The following DCBLD2 variants were observed in gnomAD, a reference collection of about 807,000 sequenced individuals.
DCBLD2 encodes discoidin, CUB and LCCL domain-containing protein 2.
A neutral mutation model predicts 86.8 loss-of-function variants in DCBLD2; 54 were observed. That is an observed-to-expected ratio of 0.62 (90% confidence interval 0.50 to 0.78). The LOEUF is 0.78. Ranked by LOEUF, DCBLD2 falls within the 30% of genes least tolerant of loss-of-function variation. The pLI, the probability that DCBLD2 is intolerant of heterozygous loss-of-function variation, is 0.00. For missense variants in DCBLD2, 908 were observed against 954.2 expected (o/e 0.95, Z 0.64); for synonymous variants, 354 against 341.3 (o/e 1.04, Z -0.41).
chr3:98,857,848 C>T (rs1942964920), intron 2 of DCBLD2, among the ~76,000 whole-genome samples: 1 of 152,234 alleles, frequency 6.6e-6, no homozygotes, highest in African/African-American at 2.4e-5. Context: ...TATTTACAAT[C>T]CCTTAGCTAG....
chr3:98,881,702 G>T lies in DCBLD2; in HGVS notation c.271C>A (p.Gln91Lys), dbSNP rs777152672. 8.1e-6 allele frequency: 13 copies of T among 1,613,926 alleles called. No homozygotes were observed. The East Asian group carries it at 2.7e-4, about 33-fold the overall frequency. ...SGTLTSINYP[Q>K]TYPNSTVCEW... ...CAAACAGTGCTGTTGGGATAGGTCT[G>T]TGGGTAGTTTATGGATGTAAGGGTT... The change falls in exon 2 of 16, where the codon CAG becomes AAG. Residue 91 changes from glutamine (Q) to lysine (K), a missense_variant. Coordinates refer to ENST00000326840, the MANE Select transcript of DCBLD2 (RefSeq NM_080927.4).
chr3:98,879,039 C>T (rs952634165), intron 2 of DCBLD2, among the ~76,000 whole-genome samples: 1 of 151,950 alleles, frequency 6.6e-6, no homozygotes, highest in African/African-American at 2.4e-5. Context: ...CTTCCCCACG[C>T]CACTCTTCCA....
intron 9 of DCBLD2, chr3:98,813,971 C>G (rs905129203): frequency 6.6e-6 from 1 of 152,194 alleles, no homozygotes; most frequent in Non-Finnish European, 1.5e-5. Context: ...TAAAAAGAGC[C>G]CTGTTTGTTC....
chr3:98,802,756 T>C (rs1941753694), intron 13 of DCBLD2, among the ~76,000 whole-genome samples: 2 of 152,228 alleles, frequency 1.3e-5, no homozygotes. Flanking sequence ...CAGTTTCAGC[T>C]TTCTACATAT....
At chr3:98,800,473 T>G (rs954132084) in intron 15 of DCBLD2, 106 bp downstream of exon 15, 3 of 1,273,626 alleles carry the variant, frequency 2.4e-6, no homozygotes, top group African/African-American at 3.0e-5. Context: ...ACAATTCATT[T>G]CTTAAACATG....
At position 98,825,296 on chromosome 3, in the gene DCBLD2, G is replaced by C; in HGVS notation, c.623+19C>G. 1.5e-6 allele frequency: 2 copies of C among 1,313,258 alleles called. No homozygotes were observed. The highest frequency in any genetic ancestry group is 1.0e-6 in the Non-Finnish European group (1 of 1,003,814). 81.4% of individuals were successfully genotyped at this position (1,313,258 alleles called of 1,614,324 possible). A position where few individuals can be genotyped will look rare whatever the true frequency, so the allele number is the denominator to read the frequency against. On this transcript the variant is annotated intron_variant, in intron 4 of 15. Coordinates refer to ENST00000326840, the MANE Select transcript of DCBLD2 (RefSeq NM_080927.4). ...CATTTAAGCAAAAAAAAAAAAAAAA[G>C]TCACAAATATAATCATACCTGAACT...
chr3:98,892,196 C>G (rs1322564491), intron 1 of DCBLD2, among the ~76,000 whole-genome samples: 1 of 152,158 alleles, frequency 6.6e-6, no homozygotes, highest in Non-Finnish European at 1.5e-5. Flanking sequence ...CTTACATACC[C>G]TAACCAGTAT....
At chr3:98,848,332 A>G (rs1404586399) in intron 3 of DCBLD2, among the ~76,000 whole-genome samples, 3 of 152,208 alleles carry the variant, frequency 2.0e-5, no homozygotes, top group African/African-American at 7.2e-5. Flanking sequence ...ATAGTATTCC[A>G]TGGTATACAT....
chr3:98,874,517 C>G (rs1943335187), intron 2 of DCBLD2, among the ~76,000 whole-genome samples: 1 of 152,032 alleles, frequency 6.6e-6, no homozygotes, highest in Admixed American at 6.5e-5. Flanking sequence ...AGCTTTTCAA[C>G]AAAATTCAAT....
chr3:98,846,929 A>G (rs534157832), intron 3 of DCBLD2, among the ~76,000 whole-genome samples: 1 of 152,346 alleles, frequency 6.6e-6, no homozygotes, highest in South Asian at 2.1e-4. Context: ...CTTGATAAAT[A>G]ACAGAGAAAA....
At chr3:98,852,805 C>T (rs1407109336) in intron 2 of DCBLD2, among the ~76,000 whole-genome samples, 1 of 152,156 alleles carries the variant, frequency 6.6e-6, no homozygotes, top group African/African-American at 2.4e-5. Context: ...TAAAGCAGTC[C>T]CTGGCCAACA....
At chr3:98,878,548 T>C (rs545678388) in intron 2 of DCBLD2, among the ~76,000 whole-genome samples, 77 of 152,206 alleles carry the variant, frequency 5.1e-4, no homozygotes, top group Non-Finnish European at 9.1e-4. Flanking sequence ...ATGCCCACAA[T>C]GTATTTGTTT....
intron 3 of DCBLD2, among the ~76,000 whole-genome samples, chr3:98,840,236 A>G (rs1367183103): frequency 1.3e-5 from 2 of 152,238 alleles, no homozygotes; most frequent in South Asian, 4.1e-4. Flanking sequence ...ATAGAGTGGT[A>G]GTAGTAGAGC....
chr3:98,876,828 T>C (rs1943380850), intron 2 of DCBLD2, among the ~76,000 whole-genome samples: 1 of 152,190 alleles, frequency 6.6e-6, no homozygotes, highest in African/African-American at 2.4e-5. Flanking sequence ...TCTATACTGC[T>C]ATAAAAAGAA....
Position 98,850,696 on chromosome 3 carries a change from T to C in DCBLD2, c.434-1098A>G, listed in dbSNP as rs897445313. ...ATGTGGACCTCCAAGGATATCATTT[T>C]CAAGGATGATACTTTATCTTATGAG... On this transcript the variant is annotated intron_variant, in intron 2 of 15. Transcript: ENST00000326840. 2.6e-4 allele frequency among the ~76,000 whole-genome samples: 39 copies of C among 152,338 alleles called. 1 individual carries two copies. Among genetic ancestry groups the C allele is most frequent in the Middle Eastern group, 3.4e-3 (1 of 294 alleles).
intron 13 of DCBLD2, 183 bp from the exon 14 acceptor site, chr3:98,801,832 T>C: frequency 2.1e-6 from 1 of 482,886 alleles, no homozygotes; most frequent in Non-Finnish European, 3.7e-6. Context: ...TGGGACAGTT[T>C]GCTGAGAATG....
Position 98,822,262 on chromosome 3 carries a change from C to G in DCBLD2, c.796G>C (p.Glu266Gln). 6.2e-7 allele frequency: 1 copy of G among 1,613,916 alleles called. No individual in the cohort carries two copies. Among genetic ancestry groups the G allele is most frequent in the Non-Finnish European group, 8.5e-7 (1 of 1,179,846 alleles). ...GTGACGTTGTTAGCCAAAGAACTTT[C>G]ATAATAGGGGATACCTTTACTAATT... ...VVISKGIPYYESSLANNVTSV... is the reference protein window; with the variant it reads ...VVISKGIPYYQSSLANNVTSV... The change falls in exon 6 of 16, where the codon GAA (glutamate) becomes CAA (glutamine). Residue 266 changes from glutamate to glutamine, a missense_variant. Glu to Gln is a conservative substitution (Grantham distance 29). Around this residue, in one of 3 missense-constraint regions of DCBLD2, gnomAD observed 606 missense variants for 678.5 expected, o/e 0.89. Coordinates refer to ENST00000326840, the MANE Select transcript of DCBLD2 (RefSeq NM_080927.4).
At chr3:98,805,972 G>A (rs1941831021) in intron 13 of DCBLD2, among the ~76,000 whole-genome samples, 4 of 152,146 alleles carry the variant, frequency 2.6e-5, no homozygotes, top group Admixed American at 2.6e-4. Context: ...GCAATAACTA[G>A]GCAGGTTATT....
At position 98,800,650 on chromosome 3, in the gene DCBLD2, C is replaced by A. The variant is rs199755908; in HGVS notation, c.1787G>T (p.Arg596Leu). 1 of 1,613,796 alleles carries A rather than the reference C, an allele frequency of 6.2e-7. No individual in the cohort carries two copies. The highest frequency in any genetic ancestry group is 1.3e-5 in the African/African-American group (1 of 74,902). The change falls in exon 15 of 16, where the codon CGC becomes CTC. Residue 596 changes from arginine (R) to leucine (L), a missense_variant. By Grantham distance (102) the Arg-to-Leu change is moderately radical (BLOSUM62 -2). Transcript: ENST00000326840. ...GTGATTAACTTCGCTGCTGCTATAG[C>A]GAACTGGGGTTTCCTCATGGTCCAC... ...KAVDHEETPV[R>L]YSSSEVNHLS...
Sources: allele counts gnomAD v4.1 joint callset (sites outside exome capture counted in the v4.1 genomes callset), GRCh38; gene constraint gnomAD v4.1.1; regional missense constraint gnomAD v4.1.1; transcripts MANE v1.5; gene names NCBI Gene and HGNC (gene_info 2026-07-23, HGNC 2026-07-21).